The following MRGPRG variants were observed in gnomAD, a reference collection of about 807,000 sequenced individuals.
MRGPRG encodes the protein mas-related G protein-coupled receptor member G.
For synonymous variants in MRGPRG, 216 were observed against 206.7 expected, an observed-to-expected ratio of 1.05 and a Z score of -0.39; for missense variants, 395 against 394.7, an observed-to-expected ratio of 1.00 and a Z score of -0.01.
In MRGPRG at chr11:3,218,562, G is replaced by A. The variant is rs1245429084; in HGVS notation, c.252C>T (p.Leu84=). 2 of 1,545,654 alleles carry A rather than the reference G, an allele frequency of 1.3e-6. No homozygotes were observed. The highest frequency in any genetic ancestry group is 2.0e-5 in the Admixed American group (1 of 50,846). The change falls in exon 1 of 1, where the codon CTC becomes CTT. Residue 84 remains leucine, a synonymous_variant. Transcript: ENST00000332314. ...GCCCCACCGCGAACCACAGGAAGGT[G>A]AGCACGAAGTAGAGTGTGTCCTGGG... ...LGAQDTLYFV[L]TFLWFAVGLW...
rs745915499 is a variant in MRGPRG, at chr11:3,218,623, C to G, written c.191G>C (p.Arg64Pro). 2.8e-5 allele frequency: 43 copies of G among 1,545,966 alleles called. 2 individuals are homozygous for G. The highest frequency in any genetic ancestry group is 3.8e-5 in the Non-Finnish European group (43 of 1,143,816). ...AGCCTGAGCCACGGAGAAGCCCACACGGCAGGAGAGGAACAGGAAGTCGGC... is the reference window on the plus strand; with the variant it reads ...AGCCTGAGCCACGGAGAAGCCCACAGGGCAGGAGAGGAACAGGAAGTCGGC... ...AAADFLFLSC[R>P]VGFSVAQAAL... The change falls in exon 1 of 1, where the codon CGT (arginine) becomes CCT (proline). Residue 64 changes from arginine (R) to proline (P), a missense_variant. Transcript: ENST00000332314.
the MRGPRG span, chr11:3,218,572 T>TAG: frequency 4.5e-6 from 7 of 1,543,972 alleles, no homozygotes; most frequent in Non-Finnish European, 6.1e-6. Context: ...GAGCACGAAG[T>TAG]AGAGTGTGTC....
Position 3,218,586 on chromosome 11 carries a change from G to C in MRGPRG, c.228C>G (p.Ala76=). The C allele has an allele frequency of 5.2e-6, 8 of 1,545,624 alleles. No homozygotes were observed. Among genetic ancestry groups the C allele is most frequent in the Non-Finnish European group, 7.0e-6 (8 of 1,143,794 alleles). ...GFSVAQAALG[A]QDTLYFVLTF... is the part of the protein sequence containing the mutation. ...TGAGCACGAAGTAGAGTGTGTCCTG[G>C]GCGCCCAGGGCAGCCTGAGCCACGG... Residue 76 remains alanine (A), a synonymous_variant, in exon 1 of 1, where the codon GCC becomes GCG. Coordinates refer to ENST00000332314, the MANE Select transcript of MRGPRG (RefSeq NM_001164377.1).
rs868169849 is a variant in MRGPRG, at chr11:3,218,361, C to G, written c.453G>C (p.Ala151=). Residue 151 remains alanine (A), a synonymous_variant, in exon 1 of 1, where the codon GCG becomes GCC. Transcript: ENST00000332314. The part of the protein sequence containing the change: ...ANACGLLRNS[A]CPLVCPRYHV... ...GGTAGCGCGGGCAGACCAGGGGGCA[C>G]GCGCTGTTGCGCAGCAGGCCGCAGG... The G allele has an allele frequency of 6.8e-7, 1 of 1,469,280 alleles. No individual in the cohort carries two copies. The allele number at this position is 1,469,280 out of a possible 1,614,324, so 91.0% of individuals were successfully genotyped here.
chr11:3,218,746 C>T lies in MRGPRG; in HGVS notation c.68G>A (p.Gly23Asp), dbSNP rs770623483. The part of the protein sequence containing the change: ...SVVFYLTLIV[G>D]LGGPVGNGLV... ...CCCGTTACCTACCGGTCCCCCGAGG[C>T]CCACGATCAGCGTCAGGTAGAAGAC... The change falls in exon 1 of 1, where the codon GGC (glycine) becomes GAC (aspartate). Residue 23 changes from glycine to aspartate, a missense_variant. Physicochemically the swap from Gly to Asp is moderately conservative, Grantham distance 94. Coordinates refer to ENST00000332314, the MANE Select transcript of MRGPRG (RefSeq NM_001164377.1). The T allele has an allele frequency of 2.6e-6, 4 of 1,545,986 alleles. No homozygotes were observed. In the South Asian group the frequency reaches 4.8e-5, roughly 19 times the overall value.
Position 3,218,070 on chromosome 11 carries a change from G to A in MRGPRG, c.744C>T (p.Leu248=). Residue 248 remains leucine, a synonymous_variant, in exon 1 of 1, where the codon CTC becomes CTT. Coordinates refer to ENST00000332314, the MANE Select transcript of MRGPRG (RefSeq NM_001164377.1). ...GCTGTCGGCCCAACCCCGAGTAGAT[G>A]AGGGGCTTGGAGCTGCTGTTGACGC... ...LACVNSSSKP[L]IYSGLGRQPG... is the part of the protein sequence containing the mutation. 1.3e-6 allele frequency: 2 copies of A among 1,544,900 alleles called. No homozygotes were observed. The highest frequency in any genetic ancestry group is 1.7e-6 in the Non-Finnish European group (2 of 1,143,524).
At position 3,218,254 on chromosome 11, in the gene MRGPRG, C is replaced by T; in HGVS notation, c.560G>A (p.Cys187Tyr). The change falls in exon 1 of 1, where the codon TGC becomes TAC. Residue 187 changes from cysteine to tyrosine, a missense_variant. Cys to Tyr is a radical substitution (Grantham distance 194, BLOSUM62 -2). Transcript: ENST00000332314. ...CCTGGGCCGCGGGCGAGTGGAGCAG[C>T]AGGTCACCCAGACAAAGAGGACCAC... ...AGVVLFVWVT[C>Y]CSTRPRPRLY... 1.3e-6 allele frequency: 2 copies of T among 1,484,846 alleles called. No individual in the cohort carries two copies. Among genetic ancestry groups the T allele is most frequent in the East Asian group, 2.5e-5 (1 of 40,260 alleles). 92.0% of individuals were successfully genotyped at this position (1,484,846 alleles called of 1,614,324 possible).
rs1289065529 is a variant in MRGPRG at position 3,218,713 on chromosome 11, A to G, written c.101T>C (p.Leu34Pro). The G allele has an allele frequency of 2.6e-6, 4 of 1,546,096 alleles. No individual in the cohort carries two copies. Among genetic ancestry groups the G allele is most frequent in the African/African-American group, 2.7e-5 (2 of 72,856 alleles). Residue 34 changes from leucine to proline, a missense_variant, in exon 1 of 1, where the codon CTC becomes CCC. By Grantham distance (98) the Leu-to-Pro change is moderately conservative. Coordinates refer to ENST00000332314, the MANE Select transcript of MRGPRG (RefSeq NM_001164377.1). ...LGGPVGNGLV[L>P]WNLGFRIKKG... ...CTTGATGCGGAAGCCGAGGTTCCAG[A>G]GCACCAGCCCGTTACCTACCGGTCC...
rs1447272775 is a variant in MRGPRG at position 3,218,651 on chromosome 11, C to T, written c.163G>A (p.Ala55Thr). The T allele has an allele frequency of 4.5e-6, 7 of 1,546,036 alleles. 1 individual carries two copies. Among genetic ancestry groups the T allele is most frequent in the Non-Finnish European group, 6.1e-6 (7 of 1,143,838 alleles). Residue 55 changes from alanine (A) to threonine (T), a missense_variant, in exon 1 of 1, where the codon GCC becomes ACC. Ala to Thr is a moderately conservative substitution (Grantham distance 58). Transcript: ENST00000332314. ...PFSIYLLHLA[A>T]ADFLFLSCRV... ...CAGGAGAGGAACAGGAAGTCGGCGG[C>T]GGCCAGGTGCAGCAGGTAGATGGAG...
Position 3,218,741 on chromosome 11 carries a change from C to T in MRGPRG, c.73G>A (p.Gly25Arg), listed in dbSNP as rs1425504020. The T allele has an allele frequency of 1.9e-6, 3 of 1,545,850 alleles. No individual in the cohort carries two copies. The highest frequency in any genetic ancestry group is 1.4e-5 in the African/African-American group (1 of 72,740). ...VFYLTLIVGL[G>R]GPVGNGLVLW... ...ACCAGCCCGTTACCTACCGGTCCCCCGAGGCCCACGATCAGCGTCAGGTAG... is the reference window on the plus strand; with the variant it reads ...ACCAGCCCGTTACCTACCGGTCCCCTGAGGCCCACGATCAGCGTCAGGTAG... The change falls in exon 1 of 1, where the codon GGG (glycine) becomes AGG (arginine). Residue 25 changes from glycine to arginine, a missense_variant. By Grantham distance (125) the Gly-to-Arg change is moderately radical. Transcript: ENST00000332314.
rs770866518 is a variant in MRGPRG at position 3,218,502 on chromosome 11, G to A, written c.312C>T (p.Cys104=). The change falls in exon 1 of 1, where the codon TGC becomes TGT. Residue 104 remains cysteine, a synonymous_variant. Transcript: ENST00000332314. ...WLLAAFSVER[C]LSDLFPACYQ... is the part of the protein sequence containing the mutation. The stretch of plus-strand genomic sequence containing the variant: ...AGCAGGCGGGGAAGAGGTCGGAGAG[G>A]CAGCGCTCCACGCTGAAGGCCGCCA... The A allele has an allele frequency of 4.5e-6, 7 of 1,544,832 alleles. No individual in the cohort carries two copies. Among genetic ancestry groups the A allele is most frequent in the Non-Finnish European group, 6.1e-6 (7 of 1,143,800 alleles).
rs1847648828 is a variant in MRGPRG at position 3,218,484 on chromosome 11, G to A, written c.330C>T (p.Pro110=). ...SVERCLSDLF[P]ACYQGCRPRH... ...TGGGCCGGCAGCCCTGGTAGCAGGC[G>A]GGGAAGAGGTCGGAGAGGCAGCGCT... The change falls in exon 1 of 1, where the codon CCC becomes CCT. Residue 110 remains proline, a synonymous_variant. Transcript: ENST00000332314. The A allele has an allele frequency of 3.2e-6, 5 of 1,544,238 alleles. No homozygotes were observed. The highest frequency in any genetic ancestry group is 4.4e-6 in the Non-Finnish European group (5 of 1,143,750).
rs1051231218 is a variant in MRGPRG at position 3,218,453 on chromosome 11, C to T, written c.361G>A (p.Ala121Thr). Residue 121 changes from alanine (A) to threonine (T), a missense_variant, in exon 1 of 1, where the codon GCC becomes ACC. Physicochemically the swap from Ala to Thr is moderately conservative, Grantham distance 58. Coordinates refer to ENST00000332314, the MANE Select transcript of MRGPRG (RefSeq NM_001164377.1). ...ACYQGCRPRHASAVLCALVWT... is the reference protein window; with the variant it reads ...ACYQGCRPRHTSAVLCALVWT... Reference sequence around the variant, plus strand: ...ACCAGGGCGCAGAGGACGGCCGAGGCGTGTCTGGGCCGGCAGCCCTGGTAG... The same window carrying T: ...ACCAGGGCGCAGAGGACGGCCGAGGTGTGTCTGGGCCGGCAGCCCTGGTAG... 3.2e-6 allele frequency: 5 copies of T among 1,541,412 alleles called. 1 individual carries two copies. Among genetic ancestry groups the T allele is most frequent in the African/African-American group, 1.4e-5 (1 of 72,826 alleles).
rs1289547909 is a variant in MRGPRG at position 3,218,058 on chromosome 11, C to T, written c.756G>A (p.Gly252=). 1.3e-6 allele frequency: 2 copies of T among 1,544,524 alleles called. No individual in the cohort carries two copies. Among genetic ancestry groups the T allele is most frequent in the South Asian group, 1.2e-5 (1 of 83,398 alleles). Residue 252 remains glycine (G), a synonymous_variant, in exon 1 of 1, where the codon GGG becomes GGA. Coordinates refer to ENST00000332314, the MANE Select transcript of MRGPRG (RefSeq NM_001164377.1). ...NSSSKPLIYS[G]LGRQPGKREP... is the part of the protein sequence containing the mutation. ...CCCGCTTCCCGGGCTGTCGGCCCAA[C>T]CCCGAGTAGATGAGGGGCTTGGAGC...
Position 3,218,447 on chromosome 11 carries a change from C to A in MRGPRG, c.367G>T (p.Ala123Ser). The change falls in exon 1 of 1, where the codon GCC becomes TCC. Residue 123 changes from alanine to serine, a missense_variant. Coordinates refer to ENST00000332314, the MANE Select transcript of MRGPRG (RefSeq NM_001164377.1). ...YQGCRPRHASAVLCALVWTPT... is the reference protein window; with the variant it reads ...YQGCRPRHASSVLCALVWTPT... The stretch of plus-strand genomic sequence containing the variant: ...GTCCACACCAGGGCGCAGAGGACGG[C>A]CGAGGCGTGTCTGGGCCGGCAGCCC... 6.5e-7 allele frequency: 1 copy of A among 1,540,300 alleles called. No homozygotes were observed.
Position 3,218,770 on chromosome 11 carries a change from A to G in MRGPRG, c.44T>C (p.Val15Ala). Residue 15 changes from valine (V) to alanine (A), a missense_variant, in exon 1 of 1, where the codon GTC becomes GCC. Physicochemically the swap from Val to Ala is moderately conservative, Grantham distance 64. Transcript: ENST00000332314. ...GCCCACGATCAGCGTCAGGTAGAAG[A>G]CCACACTGTCGAAGGTTCTCCAGAG... ...FGLWRTFDSVVFYLTLIVGLG... is the reference protein window; with the variant it reads ...FGLWRTFDSVAFYLTLIVGLG... 1 of 1,545,412 alleles carries G rather than the reference A, an allele frequency of 6.5e-7. No homozygotes were observed. Among genetic ancestry groups the G allele is most frequent in the Non-Finnish European group, 8.7e-7 (1 of 1,143,602 alleles).
In MRGPRG at chr11:3,218,506, C is replaced by T. The variant is rs2134620572; in HGVS notation, c.308G>A (p.Arg103His). The T allele has an allele frequency of 2.6e-6, 4 of 1,544,766 alleles. No homozygotes were observed. The highest frequency in any genetic ancestry group is 3.5e-6 in the Non-Finnish European group (4 of 1,143,798). The stretch of plus-strand genomic sequence containing the variant: ...GGCGGGGAAGAGGTCGGAGAGGCAG[C>T]GCTCCACGCTGAAGGCCGCCAGCAG... ...LWLLAAFSVE[R>H]CLSDLFPACY... Residue 103 changes from arginine to histidine, a missense_variant, in exon 1 of 1, where the codon CGC (arginine) becomes CAC (histidine). By Grantham distance (29) the Arg-to-His change is conservative (BLOSUM62 0). Coordinates refer to ENST00000332314, the MANE Select transcript of MRGPRG (RefSeq NM_001164377.1).
In MRGPRG at chr11:3,218,229, C is replaced by T. The variant is rs1230373499; in HGVS notation, c.585G>A (p.Arg195=). The change falls in exon 1 of 1, where the codon AGG becomes AGA. Residue 195 remains arginine (R), a synonymous_variant. Transcript: ENST00000332314. The stretch of plus-strand genomic sequence containing the variant: ...GCGCGCCCAGGACGATGCCGTAGAG[C>T]CTGGGCCGCGGGCGAGTGGAGCAGC... The part of the protein sequence containing the change: ...VTCCSTRPRP[R]LYGIVLGALL... 2.6e-6 allele frequency: 4 copies of T among 1,512,964 alleles called. No individual in the cohort carries two copies. The highest frequency in any genetic ancestry group is 1.7e-4 in the Middle Eastern group (1 of 5,788). 93.7% of individuals were successfully genotyped at this position (1,512,964 alleles called of 1,614,324 possible).
Position 3,217,989 on chromosome 11 carries a change from G to A in MRGPRG, c.825C>T (p.Ala275=), listed in dbSNP as rs763908484. 1.8e-4 allele frequency: 266 copies of A among 1,519,572 alleles called. 7 individuals are homozygous for A. In the African/African-American group the frequency reaches 3.1e-3, roughly 18 times the overall value. The allele number at this position is 1,519,572 out of a possible 1,614,324, so 94.1% of individuals were successfully genotyped here. The change falls in exon 1 of 1, where the codon GCC becomes GCT. Residue 275 remains alanine (A), a synonymous_variant. Coordinates refer to ENST00000332314, the MANE Select transcript of MRGPRG (RefSeq NM_001164377.1). The surrounding 1 kb of genome is among the most constrained non-coding windows in gnomAD (Gnocchi z 6.5). Reference sequence around the variant, plus strand: ...GGGACTGTCCCCTGGCACCCAGCTCGGCGCCCTCCCCCAGGGCCCTCCGCA... The same window carrying A: ...GGGACTGTCCCCTGGCACCCAGCTCAGCGCCCTCCCCCAGGGCCCTCCGCA... ...SVLRRALGEG[A]ELGARGQSLP...
Sources: gnomAD v4.1 joint callset for allele counts on GRCh38, gnomAD v4.1.1 for gene constraint, Gnocchi (gnomAD v3.1) non-coding constraint, MANE v1.5 for transcripts, NCBI Gene and HGNC (gene_info 2026-07-23, HGNC 2026-07-21) for gene names.